Variants in HMCN1 observed in about 807,000 individuals in gnomAD.
The protein encoded by HMCN1 is hemicentin-1.
A neutral mutation model predicts 625.9 loss-of-function variants in HMCN1; 321 were observed. That is an observed-to-expected ratio of 0.51 (90% CI 0.47 to 0.56). HMCN1 has a LOEUF of 0.56. HMCN1 is among the 20% of genes least tolerant of loss of function. The pLI is 0.00. For missense variants in HMCN1, 6,588 were observed against 6,887.3 expected (o/e 0.96, Z 1.54); for synonymous variants, 2,425 against 2,417.6 (o/e 1.00, Z -0.09).
At position 186,050,215 on chromosome 1, in the gene HMCN1, A is replaced by G. The variant is rs568931392; in HGVS notation, c.6577+1376A>G. 3.9e-5 allele frequency among the ~76,000 whole-genome samples: 6 copies of G among 152,006 alleles called. No homozygotes were observed. The East Asian group carries it at 1.2e-3, about 29-fold the overall frequency. On this transcript the variant is annotated intron_variant, in intron 42 of 106. Coordinates refer to ENST00000271588, the MANE Select transcript of HMCN1 (RefSeq NM_031935.3). ...AATTAGGAGTGATGATCAATTAGAA[A>G]CTGAGGTGAAGAATTCCTTTTTCAT...
chr1:185,928,790 T>C (rs1451514941), intron 10 of HMCN1, 123 bp downstream of exon 10: 5 of 1,068,804 alleles, frequency 4.7e-6, no homozygotes, highest in Admixed American at 3.5e-5. Flanking sequence ...TGTCTATCTC[T>C]CCACTGAATT....
intron 5 of HMCN1, among the ~76,000 whole-genome samples, chr1:185,910,569 C>CCTCT (rs1456344034): frequency 7.5e-5 from 11 of 146,774 alleles, no homozygotes; most frequent in African/African-American, 2.7e-4. Context: ...TTCTTTCTTC[C>CCTCT]TTCTTTTTTT....
At chr1:185,989,770 C>A in intron 21 of HMCN1, 123 bp downstream of exon 21, 1,110 of 527,040 alleles carry the variant, frequency 2.1e-3, no homozygotes, top group Middle Eastern at 3.9e-3. Flanking sequence ...CCCCAGATTT[C>A]TATTTTTTTT....
At chr1:186,033,607 T>TA (rs112962287) in intron 36 of HMCN1, among the ~76,000 whole-genome samples, 92,579 of 151,454 alleles carry the variant, frequency 0.61, 29,294 homozygotes, top group African/African-American at 0.78. Context: ...TATTTTTTAT[T>TA]AAAAAAAATT....
chr1:185,879,031 A>G (rs186168660), intron 4 of HMCN1, among the ~76,000 whole-genome samples: 1 of 152,306 alleles, frequency 6.6e-6, no homozygotes, highest in African/African-American at 2.4e-5. Context: ...ATCCAGGCTC[A>G]AGTGGCCTGA....
chr1:186,055,314 T>A (rs1187701510), intron 44 of HMCN1, 79 bp from the exon 45 acceptor site: 2 of 1,254,204 alleles, frequency 1.6e-6, no homozygotes, highest in Non-Finnish European at 2.3e-6. Context: ...TATTTAAGTT[T>A]GGCTGATGAA....
intron 1 of HMCN1, among the ~76,000 whole-genome samples, chr1:185,801,462 A>G (rs898268351): frequency 3.3e-5 from 5 of 152,234 alleles, no homozygotes; most frequent in African/African-American, 7.2e-5. Flanking sequence ...GCAACATGCT[A>G]GATACTCACT....
Position 186,178,473 on chromosome 1 carries a change from CCGG to C in HMCN1, c.16003_16005del (p.Gly5335del). Reference sequence around the variant, plus strand: ...TGTGCACATCAGTGCTCCAACACCCCCGGCAGCTTCAAGTGTATCTGTCCACCA... The same window carrying C: ...TGTGCACATCAGTGCTCCAACACCCCCAGCTTCAAGTGTATCTGTCCACCA... On this transcript the variant is annotated inframe_deletion, in exon 104 of 107. Coordinates refer to ENST00000271588, the MANE Select transcript of HMCN1 (RefSeq NM_031935.3). The C allele has an allele frequency of 6.2e-7, 1 of 1,614,058 alleles. No homozygotes were observed. The highest frequency in any genetic ancestry group is 8.5e-7 in the Non-Finnish European group (1 of 1,179,970).
At chr1:185,975,876 C>T (rs1197018252) in intron 15 of HMCN1, among the ~76,000 whole-genome samples, 4 of 151,744 alleles carry the variant, frequency 2.6e-5, no homozygotes, top group South Asian at 2.1e-4. Context: ...GCTGTACACA[C>T]TTATGCACCA....
intron 1 of HMCN1, among the ~76,000 whole-genome samples, chr1:185,770,185 T>G (rs1656144192): frequency 6.6e-6 from 1 of 152,134 alleles, no homozygotes; most frequent in Admixed American, 6.6e-5. Context: ...CCACTCTCTA[T>G]AGAGAAAGGA....
rs1650099077 is a variant in HMCN1, at chr1:185,962,541, C to T, written c.1852C>T (p.Pro618Ser). Reference sequence around the variant, plus strand: ...AGAACCACCCAAAGTCACTGTGATGCCCAAGAATCAGTCTTTCACAGGAGG... The same window carrying T: ...AGAACCACCCAAAGTCACTGTGATGTCCAAGAATCAGTCTTTCACAGGAGG... ...VQEPPKVTVMPKNQSFTGGSE... is the reference protein window; with the variant it reads ...VQEPPKVTVMSKNQSFTGGSE... The change falls in exon 12 of 107, where the codon CCC (proline) becomes TCC (serine). Residue 618 changes from proline to serine, a missense_variant. Pro to Ser is a moderately conservative substitution (Grantham distance 74, BLOSUM62 -1). Transcript: ENST00000271588. 6.2e-7 allele frequency: 1 copy of T among 1,613,124 alleles called. No homozygotes were observed. Among genetic ancestry groups the T allele is most frequent in the Admixed American group, 1.7e-5 (1 of 59,982 alleles).
At chr1:185,948,269 A>G (rs11586771) in intron 11 of HMCN1, among the ~76,000 whole-genome samples, 6,890 of 152,186 alleles carry the variant, frequency 0.045, 375 homozygotes, top group African/African-American at 0.12. Context: ...TCAGGAATAT[A>G]TTACCCATTT....
At chr1:185,865,689 T>A in intron 3 of HMCN1, 52 bp from the exon 4 acceptor site, 1 of 1,542,304 alleles carries the variant, frequency 6.5e-7, no homozygotes, top group South Asian at 1.1e-5. Flanking sequence ...ACACATATTT[T>A]TTTATTTCTG....
At chr1:185,735,106 G>A (rs1653468346) in intron 1 of HMCN1, 59 bp downstream of exon 1, 2 of 1,532,422 alleles carry the variant, frequency 1.3e-6, no homozygotes, top group Admixed American at 1.7e-5. Context: ...TATTTCTCAT[G>A]CTGTGAATGA....
At chr1:185,962,724 A>C in intron 12 of HMCN1, 65 bp downstream of exon 12, 1 of 909,704 alleles carries the variant, frequency 1.1e-6, no homozygotes, top group Non-Finnish European at 1.9e-6. Context: ...CTTCTGGACC[A>C]AACTAATATG....
At chr1:185,974,953 C>A (rs1014418949) in intron 15 of HMCN1, among the ~76,000 whole-genome samples, 1 of 152,128 alleles carries the variant, frequency 6.6e-6, no homozygotes, top group Non-Finnish European at 1.5e-5. Flanking sequence ...AAATTGAAAT[C>A]TGCCTTCATT....
intron 105 of HMCN1, 132 bp from the exon 106 acceptor site, chr1:186,187,751 G>T (rs1558292791): frequency 1.1e-5 from 13 of 1,197,028 alleles, no homozygotes; most frequent in Non-Finnish European, 1.5e-5. Flanking sequence ...AAGAAGGTTA[G>T]GTATGACTAA....
Position 186,017,130 on chromosome 1 carries a change from G to T in HMCN1, c.5300+59G>T, listed in dbSNP as rs74134285. 301 of 874,064 alleles carry T rather than the reference G, an allele frequency of 3.4e-4. 1 individual carries two copies. In the African/African-American group the frequency reaches 4.3e-3, roughly 12 times the overall value. 54.1% of individuals were successfully genotyped at this position (874,064 alleles called of 1,614,324 possible). Reference sequence around the variant, plus strand: ...TGCTTTTTGTTTTGAGTGTTTTAGAGCTATCTTGAAAGCTGTTCTGTATCA... The same window carrying T: ...TGCTTTTTGTTTTGAGTGTTTTAGATCTATCTTGAAAGCTGTTCTGTATCA... On this transcript the variant is annotated intron_variant, in intron 33 of 106. Coordinates refer to ENST00000271588, the MANE Select transcript of HMCN1 (RefSeq NM_031935.3).
intron 104 of HMCN1, among the ~76,000 whole-genome samples, chr1:186,181,666 A>T (rs933942288): frequency 1.3e-5 from 2 of 152,192 alleles, no homozygotes; most frequent in South Asian, 4.1e-4. Context: ...TTTCCATGTG[A>T]TATCTGTGTA....
Sources: allele counts gnomAD v4.1 joint callset (sites outside exome capture counted in the v4.1 genomes callset), GRCh38; gene constraint gnomAD v4.1.1; transcripts MANE v1.5; gene names NCBI Gene and HGNC (gene_info 2026-07-23, HGNC 2026-07-21).